Variants in SYNPO2 observed in about 807,000 individuals in gnomAD.
SYNPO2 encodes synaptopodin-2.
SYNPO2 carries 56 observed loss-of-function variants against 85.0 expected under a neutral mutation model. The ratio of observed to expected loss-of-function variants is 0.66; its 90% CI spans 0.53 to 0.82. The LOEUF is 0.82. Ranked by LOEUF, SYNPO2 falls within the 40% of genes least tolerant of loss-of-function variation. SYNPO2 has a pLI of 0.00. For synonymous variants in SYNPO2, 602 were observed against 591.1 expected (o/e 1.02, Z -0.27); for missense variants, 1,575 against 1,534.2 (o/e 1.03, Z -0.44).
intron 1 of SYNPO2, among the ~76,000 whole-genome samples, chr4:119,021,725 A>G (rs1265866807): frequency 6.6e-6 from 1 of 152,214 alleles, no homozygotes; most frequent in Admixed American, 6.5e-5. Flanking sequence ...AAATCCAGAG[A>G]TTGAGAGCAG....
At position 118,925,049 on chromosome 4, in the gene SYNPO2, A is replaced by G. The variant is rs185355041; in HGVS notation, c.105+35908A>G. On this transcript the variant is annotated intron_variant, in intron 1 of 4. Coordinates refer to ENST00000307142, the MANE Select transcript of SYNPO2 (RefSeq NM_133477.3). The stretch of plus-strand genomic sequence containing the variant: ...GATAGGCTTGTTTTCCTTGCATGGG[A>G]TGTGCACAGAAATGCACCATTAATT... Among the ~76,000 whole-genome samples, 4 of 152,286 alleles carry G rather than the reference A, an allele frequency of 2.6e-5. No individual in the cohort carries two copies. The East Asian group carries it at 7.7e-4, about 29-fold the overall frequency.
chr4:118,923,573 G>A (rs996216773), intron 1 of SYNPO2, among the ~76,000 whole-genome samples: 1 of 152,018 alleles, frequency 6.6e-6, no homozygotes, highest in African/African-American at 2.4e-5. Context: ...TAGAAAATTG[G>A]TGTTTCTGCC....
chr4:118,959,420 A>G (rs992982755), intron 1 of SYNPO2, among the ~76,000 whole-genome samples: 3 of 152,190 alleles, frequency 2.0e-5, no homozygotes, highest in African/African-American at 7.2e-5. Context: ...CAAAATAAAA[A>G]AGGGCTTTTC....
chr4:118,997,739 G>C (rs377479026), intron 1 of SYNPO2, among the ~76,000 whole-genome samples: 6 of 152,108 alleles, frequency 3.9e-5, no homozygotes, highest in Non-Finnish European at 8.8e-5. Context: ...TACTTTTATG[G>C]GCACTGTTTG....
intron 1 of SYNPO2, among the ~76,000 whole-genome samples, chr4:118,953,918 C>CA (rs1226392809): frequency 6.6e-6 from 1 of 152,070 alleles, no homozygotes; most frequent in Non-Finnish European, 1.5e-5. Context: ...GATCAGAATG[C>CA]AAAAAAGTTG....
chr4:118,887,270 A>T (rs1732218649), upstream of SYNPO2, among the ~76,000 whole-genome samples: 1 of 151,950 alleles, frequency 6.6e-6, no homozygotes, highest in African/African-American at 2.4e-5. Flanking sequence ...AGCTGCAGGG[A>T]GAGGCTCAAG....
chr4:119,028,870 T>C (rs2149189021), intron 3 of SYNPO2, among the ~76,000 whole-genome samples: 1 of 152,056 alleles, frequency 6.6e-6, no homozygotes, highest in Non-Finnish European at 1.5e-5. Flanking sequence ...CTATAAATTA[T>C]AAATGATAGA....
chr4:118,968,332 G>A (rs1306118719), intron 1 of SYNPO2, among the ~76,000 whole-genome samples: 1 of 152,178 alleles, frequency 6.6e-6, no homozygotes, highest in African/African-American at 2.4e-5. Flanking sequence ...GTCTGGAGAC[G>A]AAATGTTTGA....
intron 1 of SYNPO2, among the ~76,000 whole-genome samples, chr4:118,954,972 A>C (rs1734820720): frequency 6.6e-6 from 1 of 151,568 alleles, no homozygotes; most frequent in South Asian, 2.1e-4. Flanking sequence ...TGCACCAGAC[A>C]GTCTGACTCC....
chr4:119,027,547 T>G (rs1738024576), intron 3 of SYNPO2, 109 bp downstream of exon 3: 1 of 1,075,816 alleles, frequency 9.3e-7, no homozygotes, highest in South Asian at 2.1e-5. Context: ...TCTCATTGGC[T>G]TAAAGAAATA....
upstream of SYNPO2, among the ~76,000 whole-genome samples, chr4:118,884,704 T>G (rs1191289209): frequency 6.6e-6 from 1 of 152,178 alleles, no homozygotes; most frequent in Middle Eastern, 3.2e-3. Flanking sequence ...AACAAAAAAA[T>G]AAATTAGAAC....
rs1429309184 is a variant in SYNPO2, at chr4:119,036,125, CA to C, written c.3252+4099del. 3.0e-6 allele frequency: 3 copies of C among 985,386 alleles called. No homozygotes were observed. The African/African-American group carries it at 5.2e-5, about 17-fold the overall frequency. The allele number at this position is 985,386 out of a possible 1,614,324, so 61.0% of individuals were successfully genotyped here. On this transcript the variant is annotated intron_variant, in intron 4 of 4. Transcript: ENST00000307142. ...CATTCTAAGGGTGAATTATTGAAAT[CA>C]GTTGCTATTTGATGAGTCACAACTG...
chr4:119,044,448 T>A (rs564339490), intron 4 of SYNPO2, among the ~76,000 whole-genome samples: 44 of 152,336 alleles, frequency 2.9e-4, no homozygotes, highest in African/African-American at 9.6e-4. Flanking sequence ...TTGAGCATAA[T>A]TTTTTTCTAT....
At chr4:118,900,938 G>T (rs768147100) in intron 1 of SYNPO2, among the ~76,000 whole-genome samples, 42 of 151,530 alleles carry the variant, frequency 2.8e-4, no homozygotes, top group Non-Finnish European at 2.4e-4. Flanking sequence ...GATTCCCAGA[G>T]AAGTAATTTT....
At chr4:118,962,045 A>G (rs1735116744) in intron 1 of SYNPO2, among the ~76,000 whole-genome samples, 1 of 152,124 alleles carries the variant, frequency 6.6e-6, no homozygotes, top group African/African-American at 2.4e-5. Flanking sequence ...AAGAGCAATC[A>G]CCCTGTGTTC....
At position 119,030,435 on chromosome 4, in the gene SYNPO2, T is replaced by A. The variant is rs752222921; in HGVS notation, c.1660T>A (p.Tyr554Asn). ...AACGCAGAGCTCTGTGAGCAAAAGC[T>A]ACATCGAGGTGAGTCATGGTCTTGG... is the stretch of plus-strand genomic sequence containing the variant. ...VRTQSSVSKS[Y>N]IEVSHGLGHV... The change falls in exon 4 of 5, where the codon TAC becomes AAC. Residue 554 changes from tyrosine (Y) to asparagine (N), a missense_variant. Around this residue, in one of 3 missense-constraint regions of SYNPO2, gnomAD observed 1,508 missense variants for 1,446.8 expected, o/e 1.04. Transcript: ENST00000307142. 3 of 1,613,998 alleles carry A rather than the reference T, an allele frequency of 1.9e-6. No homozygotes were observed. The Admixed American group carries it at 5.0e-5, about 27-fold the overall frequency.
chr4:118,876,583 T>C (rs1406422649), intron 1 of SYNPO2, among the ~76,000 whole-genome samples: 1 of 152,158 alleles, frequency 6.6e-6, no homozygotes, highest in African/African-American at 2.4e-5. Context: ...CATTTATTTG[T>C]TCAGATACTT....
intron 1 of SYNPO2, among the ~76,000 whole-genome samples, chr4:118,905,998 A>G (rs1319895042): frequency 6.6e-6 from 1 of 152,176 alleles, no homozygotes; most frequent in Non-Finnish European, 1.5e-5. Context: ...GAAAGTAGGA[A>G]CCCCATCTTT....
chr4:118,945,911 A>G (rs1000285724), intron 1 of SYNPO2, among the ~76,000 whole-genome samples: 2 of 151,944 alleles, frequency 1.3e-5, no homozygotes, highest in Non-Finnish European at 2.9e-5. Context: ...ACACCTGGCT[A>G]ATTTTTGTAT....
Sources: gnomAD v4.1 joint callset for allele counts (sites outside exome capture counted in the v4.1 genomes callset) on GRCh38, gnomAD v4.1.1 for gene constraint, gnomAD v4.1.1 regional missense constraint, MANE v1.5 for transcripts, NCBI Gene and HGNC (gene_info 2026-07-23, HGNC 2026-07-21) for gene names.